ZNF804A: variants seen among roughly 807,000 people sequenced by gnomAD.
ZNF804A encodes zinc finger protein 804A.
A neutral mutation model predicts 16.5 loss-of-function variants in ZNF804A; 2 were observed. The observed-to-expected ratio is 0.12, with a 90% CI of 0.05 to 0.38. The LOEUF (loss-of-function observed/expected upper bound fraction) is 0.38, where lower values mean the gene tolerates loss of function less well. ZNF804A is among the 10% of genes least tolerant of loss of function. The pLI is 0.99. For missense variants in ZNF804A, 1,473 were observed against 1,390.7 expected (o/e 1.06, Z -0.94); for synonymous variants, 534 against 489.6 (o/e 1.09, Z -1.20).
At chr2:184,651,098 A>C (rs1170614175) in intron 1 of ZNF804A, among the ~76,000 whole-genome samples, 1 of 152,092 alleles carries the variant, frequency 6.6e-6, no homozygotes, top group African/African-American at 2.4e-5. Flanking sequence ...ATTCAGATAC[A>C]TAGACCAATG....
At chr2:184,731,089 A>G (rs1387654255) in intron 1 of ZNF804A, among the ~76,000 whole-genome samples, 1 of 151,390 alleles carries the variant, frequency 6.6e-6, no homozygotes, top group Non-Finnish European at 1.5e-5. Flanking sequence ...TGTCTCTACT[A>G]AAAGTACACA....
chr2:184,862,471 T>C (rs1041196716), intron 1 of ZNF804A, among the ~76,000 whole-genome samples: 1 of 152,316 alleles, frequency 6.6e-6, no homozygotes, highest in East Asian at 1.9e-4. Context: ...CTGGCTCAAA[T>C]GTTTGTAATT....
chr2:184,646,977 T>C (rs1691887175), intron 1 of ZNF804A, among the ~76,000 whole-genome samples: 1 of 152,178 alleles, frequency 6.6e-6, no homozygotes, highest in African/African-American at 2.4e-5. Context: ...TGAGGTAACG[T>C]AGACAATCAC....
chr2:184,649,149 A>G (rs939171084), intron 1 of ZNF804A, among the ~76,000 whole-genome samples: 2 of 152,184 alleles, frequency 1.3e-5, no homozygotes, highest in African/African-American at 2.4e-5. Context: ...GTGAAATTAC[A>G]TAGAAATTCG....
At chr2:184,867,033 A>G (rs1695887711) in intron 2 of ZNF804A, among the ~76,000 whole-genome samples, 1 of 151,848 alleles carries the variant, frequency 6.6e-6, no homozygotes. Flanking sequence ...TTATTGATTG[A>G]GTACTTAATA....
chr2:184,778,638 T>A (rs1169978715), intron 1 of ZNF804A, among the ~76,000 whole-genome samples: 1 of 151,708 alleles, frequency 6.6e-6, no homozygotes, highest in Non-Finnish European at 1.5e-5. Context: ...AAAAATATCA[T>A]AACCAGAAAT....
At chr2:184,775,522 C>A (rs992764637) in intron 1 of ZNF804A, among the ~76,000 whole-genome samples, 1 of 151,632 alleles carries the variant, frequency 6.6e-6, no homozygotes, top group Non-Finnish European at 1.5e-5. Context: ...GAGAAAACAG[C>A]GCTATCTTAC....
intron 1 of ZNF804A, among the ~76,000 whole-genome samples, chr2:184,602,247 A>G (rs1691061953): frequency 6.6e-6 from 1 of 151,920 alleles, no homozygotes; most frequent in African/African-American, 2.4e-5. Context: ...AAACATATAA[A>G]TTTTCATTTT....
At chr2:184,753,865 A>G (rs1186415904) in intron 1 of ZNF804A, among the ~76,000 whole-genome samples, 1 of 151,862 alleles carries the variant, frequency 6.6e-6, no homozygotes, top group East Asian at 1.9e-4. Context: ...GTATCCAGAG[A>G]CTAGGCTTGC....
At chr2:184,902,168 A>G (rs1685195406) in intron 2 of ZNF804A, 2 of 159,434 alleles carry the variant, frequency 1.3e-5, no homozygotes, top group Non-Finnish European at 2.8e-5. Flanking sequence ...CCAGTTGAAC[A>G]TATGTATTCT....
rs376297350 is a variant in ZNF804A at position 184,829,207 on chromosome 2, A to G, written c.112-37162A>G. Among the ~76,000 whole-genome samples the G allele has an allele frequency of 4.6e-5, 7 of 151,818 alleles. No individual in the cohort carries two copies. In the East Asian group the frequency reaches 7.7e-4, roughly 17 times the overall value. Reference sequence around the variant, plus strand: ...TATTATATAGAGTGCATTTAGATTTATATCAAATGTGTATATATTACTTAT... The same window carrying G: ...TATTATATAGAGTGCATTTAGATTTGTATCAAATGTGTATATATTACTTAT... On this transcript the variant is annotated intron_variant, in intron 1 of 3. Transcript: ENST00000302277.
At chr2:184,614,932 T>C (rs545745720) in intron 1 of ZNF804A, among the ~76,000 whole-genome samples, 1 of 152,316 alleles carries the variant, frequency 6.6e-6, no homozygotes, top group African/African-American at 2.4e-5. Flanking sequence ...TTTTACACTG[T>C]TGGTGGGAGT....
intron 2 of ZNF804A, among the ~76,000 whole-genome samples, chr2:184,915,640 A>T (rs997038671): frequency 6.6e-6 from 1 of 152,178 alleles, no homozygotes; most frequent in Non-Finnish European, 1.5e-5. Context: ...GAATGGTCAG[A>T]AAATCAGTTT....
chr2:184,625,017 C>G (rs1281827445), intron 1 of ZNF804A, among the ~76,000 whole-genome samples: 5 of 152,114 alleles, frequency 3.3e-5, no homozygotes, highest in Non-Finnish European at 7.4e-5. Flanking sequence ...TTAAAATAAG[C>G]AGGATACTTT....
intron 1 of ZNF804A, among the ~76,000 whole-genome samples, chr2:184,742,390 A>C (rs1025051055): frequency 6.6e-6 from 1 of 152,074 alleles, no homozygotes; most frequent in African/African-American, 2.4e-5. Flanking sequence ...ATTCAGACGA[A>C]AGTACCTGAC....
intron 1 of ZNF804A, among the ~76,000 whole-genome samples, chr2:184,809,118 T>C (rs982356641): frequency 6.6e-6 from 1 of 151,864 alleles, no homozygotes; most frequent in Non-Finnish European, 1.5e-5. Flanking sequence ...GGGAAAACAG[T>C]TTTGGAAAGG....
intron 2 of ZNF804A, among the ~76,000 whole-genome samples, chr2:184,905,601 A>G (rs1230100919): frequency 6.6e-6 from 1 of 152,174 alleles, no homozygotes; most frequent in Non-Finnish European, 1.5e-5. Context: ...TAGTAGAACC[A>G]GTATGATTAA....
At chr2:184,673,619 A>G (rs1692373106) in intron 1 of ZNF804A, among the ~76,000 whole-genome samples, 1 of 152,218 alleles carries the variant, frequency 6.6e-6, no homozygotes, top group East Asian at 1.9e-4. Context: ...TTGTTTTGCC[A>G]CAGCTTGTGA....
intron 1 of ZNF804A, among the ~76,000 whole-genome samples, chr2:184,671,864 T>A: frequency 6.6e-6 from 1 of 152,216 alleles, no homozygotes; most frequent in East Asian, 1.9e-4. Context: ...ATTATGAGAT[T>A]TACCATAGTG....
Sources: gnomAD v4.1 joint callset for allele counts (sites outside exome capture counted in the v4.1 genomes callset) on GRCh38, gnomAD v4.1.1 for gene constraint, MANE v1.5 for transcripts, NCBI Gene and HGNC (gene_info 2026-07-23, HGNC 2026-07-21) for gene names.